HTR2A: variants seen among roughly 807,000 people sequenced by gnomAD.
The protein encoded by HTR2A is 5-hydroxytryptamine receptor 2A, also known as 5-HT2 receptor.
HTR2A carries 14 observed loss-of-function variants against 31.0 expected under a neutral mutation model. The observed-to-expected ratio is 0.45, with a 90% confidence interval of 0.30 to 0.71. The LOEUF (loss-of-function observed/expected upper bound fraction) is 0.71, where lower values mean the gene tolerates loss of function less well. Among genes scored for constraint, HTR2A ranks in the 30% least tolerant of loss-of-function variants. The pLI is 0.09. For missense variants in HTR2A, 442 were observed against 573.3 expected (o/e 0.77, Z 2.34); for synonymous variants, 209 against 225.2 (o/e 0.93, Z 0.64).
rs988802498 is a variant in HTR2A at position 46,834,289 on chromosome 13, A to G, written c.*548T>C. 2 of 152,682 alleles carry G rather than the reference A, an allele frequency of 1.3e-5. No homozygotes were observed. The highest frequency in any genetic ancestry group is 2.9e-5 in the Non-Finnish European group (2 of 68,044). 9.5% of individuals were successfully genotyped at this position (152,682 alleles called of 1,614,324 possible). The stretch of plus-strand genomic sequence containing the variant: ...AAAAGCAGGAATGAAAAATGTTGTC[A>G]AGTATTTCATTTAATTATCTTAGCA... On this transcript the variant is annotated 3_prime_UTR_variant, in exon 4 of 4. Transcript: ENST00000542664.
chr13:46,861,292 CT>C (rs111574814), intron 3 of HTR2A, among the ~76,000 whole-genome samples: 4 of 151,200 alleles, frequency 2.6e-5, no homozygotes, highest in Non-Finnish European at 4.4e-5. Context: ...AAGTGATTTA[CT>C]TTTTTTTTCC....
At chr13:46,894,637 A>C (rs1951086695) in intron 2 of HTR2A, among the ~76,000 whole-genome samples, 1 of 152,180 alleles carries the variant, frequency 6.6e-6, no homozygotes, top group African/African-American at 2.4e-5. Context: ...CTAAGCTCTG[A>C]GTGACTGCTG....
At chr13:46,843,095 T>C (rs1379871966) in intron 3 of HTR2A, among the ~76,000 whole-genome samples, 1 of 152,188 alleles carries the variant, frequency 6.6e-6, no homozygotes, top group Non-Finnish European at 1.5e-5. Flanking sequence ...TGCCCATAAG[T>C]CACTTAGTAG....
intron 3 of HTR2A, among the ~76,000 whole-genome samples, chr13:46,878,231 A>G (rs916416641): frequency 3.9e-5 from 6 of 152,202 alleles, no homozygotes; most frequent in African/African-American, 1.4e-4. Flanking sequence ...TGGGAGGAGA[A>G]AACTGATCTA....
chr13:46,889,885 C>G (rs758289320), intron 3 of HTR2A, among the ~76,000 whole-genome samples: 32 of 152,302 alleles, frequency 2.1e-4, no homozygotes, highest in Non-Finnish European at 4.1e-4. Context: ...TCCGCTTGCC[C>G]CCTCCTCAGG....
intron 3 of HTR2A, among the ~76,000 whole-genome samples, chr13:46,843,340 C>T (rs539796333): frequency 6.6e-6 from 1 of 152,310 alleles, no homozygotes; most frequent in Non-Finnish European, 1.5e-5. Flanking sequence ...GTACAATCCA[C>T]AGTGTCTGGC....
intron 3 of HTR2A, among the ~76,000 whole-genome samples, chr13:46,858,339 G>A (rs1950755250): frequency 6.6e-6 from 1 of 152,114 alleles, no homozygotes; most frequent in African/African-American, 2.4e-5. Flanking sequence ...GTACTGAGCT[G>A]CCTTGAAGGA....
In HTR2A at chr13:46,874,196, G is replaced by C. The variant is rs992372094; in HGVS notation, c.613+18194C>G. Among the ~76,000 whole-genome samples, 10 of 152,248 alleles carry C rather than the reference G, an allele frequency of 6.6e-5. No homozygotes were observed. The East Asian group carries it at 1.7e-3, about 26-fold the overall frequency. ...GTCTCTTATTCTTAGCTTCGGTCTT[G>C]CCAAAACTATTTCCATGGAAACAGA... On this transcript the variant is annotated intron_variant, in intron 3 of 3. Coordinates refer to ENST00000542664, the MANE Select transcript of HTR2A (RefSeq NM_000621.5).
At chr13:46,871,938 T>C (rs1180947842) in intron 3 of HTR2A, among the ~76,000 whole-genome samples, 2 of 152,258 alleles carry the variant, frequency 1.3e-5, no homozygotes, top group African/African-American at 4.8e-5. Flanking sequence ...CATGATTTTC[T>C]GAACTATTTC....
At chr13:46,883,481 G>C (rs1950983258) in intron 3 of HTR2A, among the ~76,000 whole-genome samples, 1 of 152,084 alleles carries the variant, frequency 6.6e-6, no homozygotes, top group Non-Finnish European at 1.5e-5. Flanking sequence ...TCTGGAAAAG[G>C]AATTTAAAGT....
chr13:46,854,750 A>G (rs1950718922), intron 3 of HTR2A, among the ~76,000 whole-genome samples: 1 of 152,204 alleles, frequency 6.6e-6, no homozygotes, highest in South Asian at 2.1e-4. Flanking sequence ...ATAGCATTCC[A>G]AACAGCAACA....
intron 3 of HTR2A, among the ~76,000 whole-genome samples, chr13:46,884,254 A>AT (rs1950988779): frequency 6.6e-6 from 1 of 152,212 alleles, no homozygotes. Context: ...AAACTTTCAA[A>AT]TTGTCTACTT....
intron 3 of HTR2A, among the ~76,000 whole-genome samples, chr13:46,863,636 A>C (rs1310209578): frequency 2.5e-5 from 2 of 80,076 alleles, no homozygotes; most frequent in African/African-American, 3.6e-5. Flanking sequence ...AAATGAAAAA[A>C]AAAAAAAAAA....
Position 46,834,659 on chromosome 13 carries a change from G to A in HTR2A, c.*178C>T, listed in dbSNP as rs972634511. 1.1e-5 allele frequency: 6 copies of A among 547,780 alleles called. No individual in the cohort carries two copies. The highest frequency in any genetic ancestry group is 1.3e-5 in the Non-Finnish European group (4 of 313,064). 33.9% of individuals were successfully genotyped at this position (547,780 alleles called of 1,614,324 possible). A position where few individuals can be genotyped will look rare whatever the true frequency, so the allele number is the denominator to read the frequency against. On this transcript the variant is annotated 3_prime_UTR_variant, in exon 4 of 4. Transcript: ENST00000542664. ...GAAATGCTGTCAGAACATTTTCCAAGCACACATTTTGTAGCATTGAACCCC... is the reference window on the plus strand; with the variant it reads ...GAAATGCTGTCAGAACATTTTCCAAACACACATTTTGTAGCATTGAACCCC...
intron 3 of HTR2A, among the ~76,000 whole-genome samples, chr13:46,855,719 TC>T (rs941679473): frequency 2.0e-5 from 3 of 151,922 alleles, no homozygotes; most frequent in South Asian, 2.1e-4. Flanking sequence ...TAAGTACTGC[TC>T]CCCCAAAAAT....
chr13:46,875,999 A>C (rs898678756), intron 3 of HTR2A, among the ~76,000 whole-genome samples: 1 of 152,232 alleles, frequency 6.6e-6, no homozygotes, highest in African/African-American at 2.4e-5. Flanking sequence ...GATTTTAGAA[A>C]ACTGATCTTG....
At chr13:46,836,169 C>G (rs1426221883) in intron 3 of HTR2A, among the ~76,000 whole-genome samples, 1 of 150,482 alleles carries the variant, frequency 6.6e-6, no homozygotes, top group Non-Finnish European at 1.5e-5. Flanking sequence ...TTCTTTTTCA[C>G]AAATAGTTCT....
Position 46,834,768 on chromosome 13 carries a change from T to A in HTR2A, c.*69A>T. On this transcript the variant is annotated 3_prime_UTR_variant, in exon 4 of 4. Transcript: ENST00000542664. ...TTGTCTAATTTTTTCCAATCTCATATTTTTTTTTTTCCAGATAGGTGAAAA... is the reference window on the plus strand; with the variant it reads ...TTGTCTAATTTTTTCCAATCTCATAATTTTTTTTTTCCAGATAGGTGAAAA... The A allele has an allele frequency of 1.6e-6, 1 of 641,614 alleles. No individual in the cohort carries two copies. The highest frequency in any genetic ancestry group is 2.2e-6 in the Non-Finnish European group (1 of 462,460). The allele number at this position is 641,614 out of a possible 1,614,324, so 39.7% of individuals were successfully genotyped here.
intron 3 of HTR2A, among the ~76,000 whole-genome samples, chr13:46,886,307 G>T (rs61948340): frequency 0.039 from 5,960 of 151,150 alleles, 158 homozygotes; most frequent in South Asian, 0.094. Flanking sequence ...CAAACTAACC[G>T]GGTTGGAGGA....
Sources: allele counts gnomAD v4.1 joint callset (sites outside exome capture counted in the v4.1 genomes callset), GRCh38; gene constraint gnomAD v4.1.1; transcripts MANE v1.5; gene names NCBI Gene and HGNC (gene_info 2026-07-23, HGNC 2026-07-21).